SPAG16: variants seen among roughly 807,000 people sequenced by gnomAD.
SPAG16 encodes the protein sperm-associated antigen 16 protein.
SPAG16 carries 86 observed loss-of-function variants against 80.4 expected under a neutral mutation model. The observed-to-expected ratio is 1.07, with a 90% CI of 0.90 to 1.28. The LOEUF (loss-of-function observed/expected upper bound fraction) is 1.28, where lower values mean the gene tolerates loss of function less well. Among genes scored for constraint, SPAG16 ranks in the 50% most tolerant of loss-of-function variants. The pLI is 0.00. For synonymous variants in SPAG16, 294 were observed against 265.9 expected (o/e 1.11, Z -1.03); for missense variants, 870 against 765.3 (o/e 1.14, Z -1.61).
At chr2:213,692,626 C>T (rs1383034265) in intron 10 of SPAG16, among the ~76,000 whole-genome samples, 9 of 152,004 alleles carry the variant, frequency 5.9e-5, no homozygotes, top group African/African-American at 9.6e-5. Flanking sequence ...CTGTCTAACA[C>T]GGTGAAACCC....
intron 10 of SPAG16, among the ~76,000 whole-genome samples, chr2:213,554,369 A>G (rs1434854194): frequency 6.6e-6 from 1 of 152,332 alleles, no homozygotes; most frequent in East Asian, 1.9e-4. Flanking sequence ...ACAACCCTAG[A>G]CAAAGGTCTT....
chr2:213,699,048 A>C (rs1362372568), intron 10 of SPAG16, among the ~76,000 whole-genome samples: 1 of 151,996 alleles, frequency 6.6e-6, no homozygotes, highest in Non-Finnish European at 1.5e-5. Context: ...CTACCATGGA[A>C]CTTCTCTTTT....
chr2:213,714,139 G>A (rs1210198620), intron 10 of SPAG16, among the ~76,000 whole-genome samples: 1 of 152,166 alleles, frequency 6.6e-6, no homozygotes, highest in African/African-American at 2.4e-5. Context: ...GAATGTAGAG[G>A]TGAGCTCTCT....
At chr2:213,700,158 G>A (rs2065342266) in intron 10 of SPAG16, among the ~76,000 whole-genome samples, 1 of 151,638 alleles carries the variant, frequency 6.6e-6, no homozygotes, top group Non-Finnish European at 1.5e-5. Flanking sequence ...AATGCCATAA[G>A]AGCAAATGTC....
chr2:213,342,973 C>A (rs1208520378), intron 6 of SPAG16, among the ~76,000 whole-genome samples: 2 of 151,924 alleles, frequency 1.3e-5, no homozygotes, highest in Non-Finnish European at 2.9e-5. Context: ...GATCAGAGTT[C>A]AGGGCTGCAG....
At chr2:213,532,574 G>T (rs2125888750) in intron 10 of SPAG16, among the ~76,000 whole-genome samples, 1 of 150,924 alleles carries the variant, frequency 6.6e-6, no homozygotes, top group African/African-American at 2.4e-5. Context: ...CGATTCTCCT[G>T]CCTCAGCCTC....
At chr2:213,291,243 G>A (rs890009648) in intron 1 of SPAG16, among the ~76,000 whole-genome samples, 2 of 152,100 alleles carry the variant, frequency 1.3e-5, no homozygotes, top group African/African-American at 4.8e-5. Flanking sequence ...TTTGTATAGT[G>A]TGTGTATTTG....
At chr2:214,331,968 T>G (rs1696947927) in intron 15 of SPAG16, among the ~76,000 whole-genome samples, 1 of 152,164 alleles carries the variant, frequency 6.6e-6, no homozygotes, top group African/African-American at 2.4e-5. Flanking sequence ...AAAACAATTT[T>G]GGGATGGGCA....
chr2:213,921,658 G>A (rs190513750), intron 11 of SPAG16, among the ~76,000 whole-genome samples: 85 of 152,270 alleles, frequency 5.6e-4, no homozygotes, highest in African/African-American at 1.8e-3. Context: ...TATTTTTGTA[G>A]TGGCTGATAA....
intron 10 of SPAG16, among the ~76,000 whole-genome samples, chr2:213,513,515 A>G (rs184201371): frequency 2.6e-5 from 4 of 152,014 alleles, no homozygotes; most frequent in African/African-American, 9.7e-5. Flanking sequence ...GTGGTGACCC[A>G]TGGAATCTCA....
intron 12 of SPAG16, among the ~76,000 whole-genome samples, chr2:213,972,793 A>C (rs2045145694): frequency 6.6e-6 from 1 of 151,926 alleles, no homozygotes; most frequent in Non-Finnish European, 1.5e-5. Context: ...TATATTCTGG[A>C]TATATATTTT....
intron 15 of SPAG16, among the ~76,000 whole-genome samples, chr2:214,172,549 C>T (rs1346465453): frequency 8.5e-5 from 13 of 152,086 alleles, no homozygotes; most frequent in East Asian, 5.8e-4. Flanking sequence ...TGAATAGTGC[C>T]GCAATAAACA....
chr2:213,460,478 A>G (rs543997012), intron 9 of SPAG16, among the ~76,000 whole-genome samples: 53 of 152,236 alleles, frequency 3.5e-4, no homozygotes, highest in African/African-American at 1.2e-3. Flanking sequence ...ACTTCTTTTC[A>G]TGTGCTTGCT....
At chr2:213,610,449 A>G (rs1454146586) in intron 10 of SPAG16, among the ~76,000 whole-genome samples, 1 of 152,196 alleles carries the variant, frequency 6.6e-6, no homozygotes, top group African/African-American at 2.4e-5. Context: ...TTTCGTCTAC[A>G]TAACCAGACC....
intron 11 of SPAG16, among the ~76,000 whole-genome samples, chr2:213,911,597 T>C (rs989135490): frequency 1.3e-5 from 2 of 152,238 alleles, no homozygotes; most frequent in Admixed American, 6.5e-5. Context: ...ATTATAATTT[T>C]GGTTGTCCCA....
chr2:213,903,210 G>T (rs1258962532), intron 11 of SPAG16, among the ~76,000 whole-genome samples: 1 of 152,154 alleles, frequency 6.6e-6, no homozygotes, highest in Non-Finnish European at 1.5e-5. Flanking sequence ...ACTAGGCAGT[G>T]CCCCCGTAGG....
At chr2:213,928,018 T>C (rs1215060311) in intron 11 of SPAG16, among the ~76,000 whole-genome samples, 2 of 152,230 alleles carry the variant, frequency 1.3e-5, no homozygotes, top group African/African-American at 2.4e-5. Flanking sequence ...TTTTTGTTGG[T>C]GAAGGGACTA....
At chr2:213,734,918 A>G (rs962826065) in intron 10 of SPAG16, among the ~76,000 whole-genome samples, 1 of 152,136 alleles carries the variant, frequency 6.6e-6, no homozygotes, top group African/African-American at 2.4e-5. Flanking sequence ...CTGTTTCAGT[A>G]GGTCTCAACC....
intron 12 of SPAG16, among the ~76,000 whole-genome samples, chr2:214,010,082 T>C (rs2047212553): frequency 6.9e-6 from 1 of 145,692 alleles, no homozygotes; most frequent in African/African-American, 2.7e-5. Context: ...AAATTGTTTT[T>C]ATATAATAAA....
Sources: gnomAD v4.1 joint callset for allele counts (sites outside exome capture counted in the v4.1 genomes callset) on GRCh38, gnomAD v4.1.1 for gene constraint, MANE v1.5 for transcripts, NCBI Gene and HGNC (gene_info 2026-07-23, HGNC 2026-07-21) for gene names.